USP42: variants seen among roughly 807,000 people sequenced by gnomAD.
The protein encoded by USP42 is ubiquitin carboxyl-terminal hydrolase 42.
In USP42, 23 loss-of-function variants were observed where a neutral mutation model predicts 113.0. The observed-to-expected ratio is 0.20, with a 90% CI of 0.15 to 0.29. USP42 has a LOEUF of 0.29. Ranked by LOEUF, USP42 falls within the 10% of genes least tolerant of loss-of-function variation. The pLI is 1.00. For missense variants in USP42, 2,174 were observed against 1,779.8 expected (o/e 1.22, Z -3.99); for synonymous variants, 933 against 699.0 (o/e 1.33, Z -5.28).
Position 6,154,792 on chromosome 7 carries a change from G to T in USP42, c.3238G>T (p.Gly1080Cys). 2 of 1,548,190 alleles carry T rather than the reference G, an allele frequency of 1.3e-6. No homozygotes were observed. The highest frequency in any genetic ancestry group is 1.7e-6 in the Non-Finnish European group (2 of 1,146,072). Residue 1080 changes from glycine (G) to cysteine (C), a missense_variant, in exon 15 of 18, where the codon GGC becomes TGC. Gly to Cys is a radical substitution (Grantham distance 159). Transcript: ENST00000306177. ...AARDWKPFHG[G>C]REHERAGLHE... ...CCGGGACTGGAAGCCCTTCCACGGC[G>T]GCCGCGAGCACGAGCGGGCCGGGCT...
intron 3 of USP42, among the ~76,000 whole-genome samples, chr7:6,129,372 A>G (rs185269637): frequency 2.0e-3 from 299 of 151,610 alleles, no homozygotes; most frequent in African/African-American, 6.9e-3. Flanking sequence ...CCTGGCCAAC[A>G]TGGCGAAACC....
At chr7:6,083,073 G>C in the USP42 span, among the ~76,000 whole-genome samples, 2 of 147,632 alleles carry the variant, frequency 1.4e-5, no homozygotes, top group Non-Finnish European at 3.0e-5. Flanking sequence ...TACAGGTGCG[G>C]GCTACCACAC....
In USP42 at chr7:6,153,797, C is replaced by G. The variant is rs1256890736; in HGVS notation, c.2243C>G (p.Ala748Gly). ...AGGGGCCCTCCCGAGGACCGCGACG[C>G]CGAGCCTCAGCCTGGCAGCCCCGCC... Reference protein sequence around the residue: ...AERGPPEDRDAEPQPGSPAAE... With the variant: ...AERGPPEDRDGEPQPGSPAAE... Residue 748 changes from alanine (A) to glycine (G), a missense_variant, in exon 15 of 18, where the codon GCC becomes GGC. Ala to Gly is a moderately conservative substitution (Grantham distance 60). Transcript: ENST00000306177. The G allele has an allele frequency of 2.0e-6, 3 of 1,511,902 alleles. No homozygotes were observed. Among genetic ancestry groups the G allele is most frequent in the African/African-American group, 1.4e-5 (1 of 70,488 alleles). 93.7% of individuals were successfully genotyped at this position (1,511,902 alleles called of 1,614,324 possible).
chr7:6,146,839 A>C (rs571693525), intron 11 of USP42, among the ~76,000 whole-genome samples: 54 of 152,206 alleles, frequency 3.5e-4, no homozygotes, highest in Admixed American at 9.2e-4. Context: ...GCAGTAATGG[A>C]GTGGGCCAGG....
At position 6,130,652 on chromosome 7, in the gene USP42, A is replaced by C. The variant is rs138610344; in HGVS notation, c.443-5189A>C. 3.4e-3 allele frequency among the ~76,000 whole-genome samples: 522 copies of C among 152,254 alleles called. 9 individuals are homozygous for C. The highest frequency in any genetic ancestry group is 0.012 in the African/African-American group (485 of 41,558). On this transcript the variant is annotated intron_variant, in intron 3 of 17. Transcript: ENST00000306177. ...GCTACAGCCTGTTGAGTGTAAGTCAAGGCTGTTTACTTGCCTTTTCTGGTG... is the reference window on the plus strand; with the variant it reads ...GCTACAGCCTGTTGAGTGTAAGTCACGGCTGTTTACTTGCCTTTTCTGGTG...
the USP42 span, among the ~76,000 whole-genome samples, chr7:6,082,424 G>T: frequency 1.3e-5 from 2 of 151,082 alleles, no homozygotes; most frequent in South Asian, 2.1e-4. Context: ...CACCGCGCCC[G>T]GCCCGGGTGG....
At chr7:6,144,464 G>GAA in intron 9 of USP42, among the ~76,000 whole-genome samples, 1 of 152,150 alleles carries the variant, frequency 6.6e-6, no homozygotes, top group East Asian at 1.9e-4. Flanking sequence ...TTTGTTTTCT[G>GAA]ATTGGTAGTA....
intron 3 of USP42, among the ~76,000 whole-genome samples, chr7:6,132,442 C>G (rs1470132362): frequency 6.6e-6 from 1 of 152,008 alleles, no homozygotes; most frequent in Non-Finnish European, 1.5e-5. Context: ...ACTGCAACCT[C>G]TGCCTCCCAG....
Position 6,139,815 on chromosome 7 carries a change from C to T in USP42, c.657-313C>T, listed in dbSNP as rs982698179. 1.6e-5 allele frequency: 7 copies of T among 440,242 alleles called. No homozygotes were observed. The highest frequency in any genetic ancestry group is 2.5e-5 in the Non-Finnish European group (6 of 241,378). The allele number at this position is 440,242 out of a possible 1,614,324, so 27.3% of individuals were successfully genotyped here. On this transcript the variant is annotated intron_variant, in intron 5 of 17. Coordinates refer to ENST00000306177, the MANE Select transcript of USP42 (RefSeq NM_032172.3). The surrounding 1 kb of genome is among the most constrained non-coding windows in gnomAD (Gnocchi z 4.5). Reference sequence around the variant, plus strand: ...TTTTCCGCCTCCGCTCCCTTTCCTCCCACACAGGCCGCAGTGCCCGGAGGC... The same window carrying T: ...TTTTCCGCCTCCGCTCCCTTTCCTCTCACACAGGCCGCAGTGCCCGGAGGC...
the USP42 span, among the ~76,000 whole-genome samples, chr7:6,095,680 A>T: frequency 6.6e-6 from 1 of 151,128 alleles, no homozygotes; most frequent in South Asian, 2.1e-4. Flanking sequence ...AAAACAAAAA[A>T]AATGGCCAGA....
chr7:6,110,372 C>T (rs1245883462), intron 1 of USP42, among the ~76,000 whole-genome samples: 1 of 152,122 alleles, frequency 6.6e-6, no homozygotes, highest in East Asian at 1.9e-4. Context: ...AATGTATGTC[C>T]AGCAGTTGAT....
intron 1 of USP42, among the ~76,000 whole-genome samples, chr7:6,107,260 A>G (rs991363028): frequency 1.3e-5 from 2 of 151,926 alleles, no homozygotes; most frequent in African/African-American, 4.8e-5. Context: ...AAATGGTTTT[A>G]TTTGGTCATT....
chr7:6,083,753 G>T, the USP42 span, among the ~76,000 whole-genome samples: 1 of 150,660 alleles, frequency 6.6e-6, no homozygotes, highest in Admixed American at 6.6e-5. Context: ...CTTCCAGTAC[G>T]TTGTTTTAGG....
Position 6,159,435 on chromosome 7 carries a change from A to G in USP42, c.3944-15A>G, listed in dbSNP as rs750960301. ...AACCATCATTAAAATCTCTTTCCTGACCTTTGCTTTCTAGGTGATTGAAAA... is the reference window on the plus strand; with the variant it reads ...AACCATCATTAAAATCTCTTTCCTGGCCTTTGCTTTCTAGGTGATTGAAAA... On this transcript the variant is annotated splice_polypyrimidine_tract_variant and intron_variant, in intron 16 of 17. Coordinates refer to ENST00000306177, the MANE Select transcript of USP42 (RefSeq NM_032172.3). The surrounding 1 kb of genome is among the most constrained non-coding windows in gnomAD (Gnocchi z 4.1). The G allele has an allele frequency of 6.2e-7, 1 of 1,613,836 alleles. No homozygotes were observed. The highest frequency in any genetic ancestry group is 2.2e-5 in the East Asian group (1 of 44,870).
At chr7:6,126,477 G>A (rs999667407) in intron 3 of USP42, among the ~76,000 whole-genome samples, 24 of 152,024 alleles carry the variant, frequency 1.6e-4, no homozygotes, top group African/African-American at 4.8e-4. Flanking sequence ...TAGTAGAGAC[G>A]GGTTTCACCG....
intron 4 of USP42, among the ~76,000 whole-genome samples, 155 bp downstream of exon 4, chr7:6,136,106 A>C (rs1401961243): frequency 1.3e-5 from 2 of 151,070 alleles, no homozygotes; most frequent in Admixed American, 6.6e-5. Context: ...CCAGGTTCAA[A>C]CGATTGTCCT....
the USP42 span, among the ~76,000 whole-genome samples, chr7:6,090,760 T>C: frequency 1.4e-5 from 2 of 145,674 alleles, no homozygotes; most frequent in Admixed American, 6.9e-5. Flanking sequence ...TTATATACTA[T>C]ATATATTATA....
the USP42 span, among the ~76,000 whole-genome samples, chr7:6,085,800 A>C: frequency 6.7e-6 from 1 of 150,242 alleles, no homozygotes; most frequent in East Asian, 2.0e-4. Flanking sequence ...TTTTTAGTAG[A>C]GACGGGATCT....
intron 17 of USP42, among the ~76,000 whole-genome samples, chr7:6,160,117 C>A (rs986448032): frequency 6.6e-6 from 1 of 151,346 alleles, no homozygotes; most frequent in African/African-American, 2.4e-5. Context: ...GACAGTGAAC[C>A]ATTTTTCCCT....
Sources: gnomAD v4.1 joint callset for allele counts (sites outside exome capture counted in the v4.1 genomes callset) on GRCh38, gnomAD v4.1.1 for gene constraint, Gnocchi (gnomAD v3.1) non-coding constraint, MANE v1.5 for transcripts, NCBI Gene and HGNC (gene_info 2026-07-23, HGNC 2026-07-21) for gene names.